CHST9: variants seen among roughly 807,000 people sequenced by gnomAD.
CHST9 encodes GalNAc-4-sulfotransferase 2.
In CHST9, 41 loss-of-function variants were observed where a neutral mutation model predicts 44.4. The observed-to-expected ratio is 0.92, with a 90% CI of 0.72 to 1.20. The LOEUF is 1.20. Ranked by LOEUF, CHST9 falls within the 50% of genes most tolerant of loss-of-function variation. The pLI is 0.00. For missense variants in CHST9, 504 were observed against 516.5 expected (o/e 0.98, Z 0.23); for synonymous variants, 171 against 178.4 (o/e 0.96, Z 0.33).
At chr18:27,180,649 G>A (rs1003527140) in intron 1 of CHST9, among the ~76,000 whole-genome samples, 5 of 152,132 alleles carry the variant, frequency 3.3e-5, no homozygotes, top group Admixed American at 2.6e-4. Context: ...AGGAGACCAG[G>A]TTTCTAGTTT....
chr18:27,021,898 C>A (rs774696679), intron 4 of CHST9, among the ~76,000 whole-genome samples: 1 of 152,154 alleles, frequency 6.6e-6, no homozygotes, highest in African/African-American at 2.4e-5. Context: ...TCACACACTA[C>A]AATCTTGAAC....
intron 1 of CHST9, among the ~76,000 whole-genome samples, chr18:27,175,951 G>A (rs2058864978): frequency 6.6e-6 from 1 of 151,982 alleles, no homozygotes; most frequent in Admixed American, 6.6e-5. Flanking sequence ...TCAATTTAGG[G>A]GTAAGAGATG....
At position 26,917,133 on chromosome 18, in the gene CHST9, A is replaced by G. The variant is rs768279846; in HGVS notation, c.458T>C (p.Val153Ala). ...FNKFSNMNWP[V>A]DIHPLNKSLV... is the part of the protein sequence containing the mutation. The stretch of plus-strand genomic sequence containing the variant: ...ACTTTTGTTTAAAGGGTGAATGTCC[A>G]CTGGCCAATTCATGTTGCTGAACTT... The change falls in exon 6 of 6, where the codon GTG becomes GCG. Residue 153 changes from valine (V) to alanine (A), a missense_variant. Val to Ala is a moderately conservative substitution (Grantham distance 64). Coordinates refer to ENST00000618847, the MANE Select transcript of CHST9 (RefSeq NM_031422.6). The G allele has an allele frequency of 1.1e-5, 18 of 1,613,818 alleles. No individual in the cohort carries two copies. The highest frequency in any genetic ancestry group is 5.1e-6 in the Non-Finnish European group (6 of 1,179,860).
chr18:27,054,565 G>A (rs988219694), intron 2 of CHST9, among the ~76,000 whole-genome samples: 1 of 152,064 alleles, frequency 6.6e-6, no homozygotes, highest in Non-Finnish European at 1.5e-5. Context: ...ATTTTTAAAA[G>A]CTATTTTAGA....
At chr18:27,048,119 A>G (rs1000392198) in intron 3 of CHST9, among the ~76,000 whole-genome samples, 3 of 152,184 alleles carry the variant, frequency 2.0e-5, no homozygotes, top group African/African-American at 7.2e-5. Context: ...ATTGAGATTC[A>G]TAGTCATTTG....
intron 2 of CHST9, among the ~76,000 whole-genome samples, chr18:27,118,568 A>G (rs575658444): frequency 2.8e-4 from 43 of 152,404 alleles, no homozygotes; most frequent in African/African-American, 9.6e-4. Flanking sequence ...CTGAAAAGCC[A>G]GATTTAAGGT....
intron 2 of CHST9, among the ~76,000 whole-genome samples, chr18:27,058,533 T>C (rs2057684745): frequency 2.0e-5 from 3 of 152,124 alleles, no homozygotes; most frequent in Admixed American, 2.0e-4. Context: ...GCTTCTACTT[T>C]CCATCTTTAA....
chr18:26,973,206 A>G (rs1215180886), intron 4 of CHST9, among the ~76,000 whole-genome samples: 2 of 152,124 alleles, frequency 1.3e-5, no homozygotes, highest in Non-Finnish European at 2.9e-5. Context: ...TAGTTTACCT[A>G]ATTCCTTTTC....
At chr18:27,062,260 C>T (rs2057731799) in intron 2 of CHST9, among the ~76,000 whole-genome samples, 1 of 152,082 alleles carries the variant, frequency 6.6e-6, no homozygotes, top group Admixed American at 6.6e-5. Flanking sequence ...GTGCTGCACC[C>T]ATTAACTTGT....
chr18:26,941,953 T>C (rs1259320344), intron 5 of CHST9, among the ~76,000 whole-genome samples: 2 of 152,120 alleles, frequency 1.3e-5, no homozygotes, highest in Non-Finnish European at 2.9e-5. Context: ...ATAGCCTGCC[T>C]GATGTGGGGG....
chr18:26,935,017 T>C (rs749412506), intron 5 of CHST9: 19 of 152,242 alleles, frequency 1.2e-4, no homozygotes, highest in Non-Finnish European at 2.8e-4. Flanking sequence ...ACATCCTGCA[T>C]AGCACTTAGC....
rs542335432 is a variant in CHST9, at chr18:27,012,246, C to T, written c.202+11870G>A. Among the ~76,000 whole-genome samples the T allele has an allele frequency of 1.6e-4, 24 of 152,166 alleles. No homozygotes were observed. In the South Asian group the frequency reaches 5.0e-3, roughly 32 times the overall value. ...AATCTGAGTATAACTTTTGACTCCC[C>T]CAAAATTTAACTACTGATAGCCTAT... is the stretch of plus-strand genomic sequence containing the variant. On this transcript the variant is annotated intron_variant, in intron 4 of 5. Coordinates refer to ENST00000618847, the MANE Select transcript of CHST9 (RefSeq NM_031422.6).
intron 4 of CHST9, among the ~76,000 whole-genome samples, chr18:26,965,165 G>A (rs1292774023): frequency 1.3e-5 from 2 of 152,138 alleles, no homozygotes; most frequent in Non-Finnish European, 1.5e-5. Context: ...AATTTGAGCC[G>A]ACTGTGAATG....
At chr18:27,098,870 A>G (rs1185377433) in intron 2 of CHST9, among the ~76,000 whole-genome samples, 1 of 152,136 alleles carries the variant, frequency 6.6e-6, no homozygotes, top group African/African-American at 2.4e-5. Context: ...ACTTCAATGA[A>G]AAAGGAGCCT....
chr18:27,007,575 C>A (rs2057031778), intron 4 of CHST9, among the ~76,000 whole-genome samples: 1 of 151,786 alleles, frequency 6.6e-6, no homozygotes, highest in South Asian at 2.1e-4. Context: ...AAAGGCCAAG[C>A]CAAGAATAAT....
At chr18:26,991,611 C>T (rs1440060770) in intron 4 of CHST9, among the ~76,000 whole-genome samples, 1 of 152,088 alleles carries the variant, frequency 6.6e-6, no homozygotes, top group Non-Finnish European at 1.5e-5. Flanking sequence ...CATTGAGCTA[C>T]CTCAATGTTA....
intron 2 of CHST9, among the ~76,000 whole-genome samples, chr18:27,090,426 G>A (rs890995048): frequency 6.6e-6 from 1 of 152,078 alleles, no homozygotes; most frequent in Admixed American, 6.5e-5. Context: ...AGTTTCTTTT[G>A]CTGTGCAGAA....
intron 2 of CHST9, among the ~76,000 whole-genome samples, chr18:27,138,176 G>A (rs1016603897): frequency 6.6e-6 from 1 of 152,106 alleles, no homozygotes. Flanking sequence ...GCTTGGCCTG[G>A]ACTCAGGACC....
chr18:27,064,685 C>T (rs140410205), intron 2 of CHST9, among the ~76,000 whole-genome samples: 2 of 151,682 alleles, frequency 1.3e-5, no homozygotes, highest in East Asian at 3.9e-4. Context: ...GCTGCTCCTG[C>T]CTCTGGTGAT....
Sources: gnomAD v4.1 joint callset for allele counts (sites outside exome capture counted in the v4.1 genomes callset) on GRCh38, gnomAD v4.1.1 for gene constraint, MANE v1.5 for transcripts, NCBI Gene and HGNC (gene_info 2026-07-23, HGNC 2026-07-21) for gene names.